The following SAMMSON variants were observed in gnomAD, a reference collection of about 807,000 sequenced individuals.
SAMMSON encodes the protein long intergenic non-protein coding RNA 1212.
chr3:70,208,409 G>T (rs1452620094), intron 4 of SAMMSON, among the ~76,000 whole-genome samples: 1 of 152,028 alleles, frequency 6.6e-6, no homozygotes, highest in Admixed American at 6.6e-5. Flanking sequence ...TTAGTTTAGG[G>T]CCAATGGAAA....
intron 6 of SAMMSON, chr3:70,249,785 G>A (rs909637014): frequency 1.3e-5 from 2 of 152,114 alleles, no homozygotes; most frequent in Non-Finnish European, 2.9e-5. Context: ...TAAGATTAGA[G>A]TTGCTAAGAT....
chr3:70,216,815 G>A (rs1232752992), intron 4 of SAMMSON, among the ~76,000 whole-genome samples: 2 of 152,118 alleles, frequency 1.3e-5, no homozygotes, highest in Non-Finnish European at 2.9e-5. Flanking sequence ...ATTTGGCAAT[G>A]TCTGGAGATA....
intron 4 of SAMMSON, among the ~76,000 whole-genome samples, chr3:70,153,002 C>T (rs975292860): frequency 2.0e-5 from 3 of 151,930 alleles, no homozygotes; most frequent in African/African-American, 7.2e-5. Flanking sequence ...TCATGCGATG[C>T]GTAAATGTAT....
chr3:70,107,875 C>A (rs1393154739), intron 4 of SAMMSON, among the ~76,000 whole-genome samples: 1 of 152,030 alleles, frequency 6.6e-6, no homozygotes, highest in Non-Finnish European at 1.5e-5. Context: ...TGAAGACATC[C>A]TGCAATGTGT....
chr3:70,259,416 TAA>T (rs202194435), intron 6 of SAMMSON, among the ~76,000 whole-genome samples: 1 of 144,208 alleles, frequency 6.9e-6, no homozygotes. Context: ...TATTGACTTT[TAA>T]AAAAAAAAAA....
At position 70,101,407 on chromosome 3, in the gene SAMMSON, A is replaced by C. The variant is rs1292135266; in HGVS notation, n.507+29842A>C. 4.6e-5 allele frequency among the ~76,000 whole-genome samples: 7 copies of C among 152,064 alleles called. No homozygotes were observed. In the South Asian group the frequency reaches 1.2e-3, roughly 27 times the overall value. ...TGGGGACATTTTTTATGAAAAAAAAACGTACAAGAATTGCATTATAAGAGG... is the reference window on the plus strand; with the variant it reads ...TGGGGACATTTTTTATGAAAAAAAACCGTACAAGAATTGCATTATAAGAGG... On this transcript the variant is annotated intron_variant and non_coding_transcript_variant, in intron 4 of 9. Coordinates refer to ENST00000642114, the Ensembl canonical transcript of SAMMSON.
At chr3:70,423,551 T>G (rs1701330106) in intron 2 of SAMMSON, among the ~76,000 whole-genome samples, 1 of 152,192 alleles carries the variant, frequency 6.6e-6, no homozygotes, top group African/African-American at 2.4e-5. Context: ...GTGATGATAA[T>G]TTAATTTCTC....
At chr3:70,104,939 A>G (rs886737819) in intron 4 of SAMMSON, among the ~76,000 whole-genome samples, 1 of 152,192 alleles carries the variant, frequency 6.6e-6, no homozygotes, top group East Asian at 1.9e-4. Flanking sequence ...AGTAGCCTCA[A>G]CTATTCTATT....
At chr3:70,158,824 A>G (rs2067602614) in intron 4 of SAMMSON, among the ~76,000 whole-genome samples, 1 of 152,052 alleles carries the variant, frequency 6.6e-6, no homozygotes, top group South Asian at 2.1e-4. Context: ...TTGCTATTCT[A>G]ATATAGGGGA....
intron 2 of SAMMSON, among the ~76,000 whole-genome samples, chr3:70,396,238 T>C (rs1701092419): frequency 6.6e-6 from 1 of 152,208 alleles, no homozygotes; most frequent in Non-Finnish European, 1.5e-5. Context: ...TGATGCAATG[T>C]TATAAATATG....
At position 70,017,583 on chromosome 3, in the gene SAMMSON, C is replaced by A. The variant is rs143243959; in HGVS notation, n.417+3911C>A. On this transcript the variant is annotated intron_variant and non_coding_transcript_variant, in intron 3 of 9. Transcript: ENST00000642114. The stretch of plus-strand genomic sequence containing the variant: ...AATTGACTACCCTTTATTTCCTTCT[C>A]CTTCCTGATTGCCCTGGCCAGAACT... Among the ~76,000 whole-genome samples, 495 of 152,270 alleles carry A rather than the reference C, an allele frequency of 3.3e-3. 6 individuals are homozygous for A. Among genetic ancestry groups the A allele is most frequent in the African/African-American group, 0.012 (478 of 41,542 alleles).
intron 7 of SAMMSON, among the ~76,000 whole-genome samples, chr3:70,308,859 C>T (rs1476305502): frequency 6.6e-6 from 1 of 152,044 alleles, no homozygotes; most frequent in African/African-American, 2.4e-5. Context: ...TCAAGCAGTG[C>T]ACTCAGTGCT....
At chr3:70,015,776 A>G (rs1013209087) in intron 3 of SAMMSON, among the ~76,000 whole-genome samples, 1 of 151,772 alleles carries the variant, frequency 6.6e-6, no homozygotes, top group South Asian at 2.1e-4. Flanking sequence ...AAGTGTTCTC[A>G]TTGTTCAATT....
chr3:70,328,334 G>GA (rs980494942), intron 7 of SAMMSON, among the ~76,000 whole-genome samples: 23 of 152,116 alleles, frequency 1.5e-4, no homozygotes, highest in Non-Finnish European at 2.9e-4. Context: ...TAATTGGGGA[G>GA]AAAATCAATC....
intron 4 of SAMMSON, among the ~76,000 whole-genome samples, chr3:70,183,037 C>A (rs762580896): frequency 6.6e-6 from 1 of 152,160 alleles, no homozygotes; most frequent in South Asian, 2.1e-4. Flanking sequence ...CATTTGGGTC[C>A]TCCTCAGGTC....
At chr3:70,344,982 G>A (rs1052917297) in intron 7 of SAMMSON, among the ~76,000 whole-genome samples, 16 of 152,136 alleles carry the variant, frequency 1.1e-4, no homozygotes, top group Admixed American at 2.6e-4. Flanking sequence ...GGATGTCATC[G>A]GTTCTAGACC....
At chr3:70,233,314 G>T (rs1342143133) in intron 4 of SAMMSON, among the ~76,000 whole-genome samples, 1 of 152,116 alleles carries the variant, frequency 6.6e-6, no homozygotes, top group Non-Finnish European at 1.5e-5. Flanking sequence ...AGATAGGAGT[G>T]CAGCAAGATG....
chr3:70,318,487 T>C (rs1339597639), intron 7 of SAMMSON, among the ~76,000 whole-genome samples: 1 of 151,982 alleles, frequency 6.6e-6, no homozygotes. Flanking sequence ...TGTGAGTGTG[T>C]GTGTGTAGTT....
At chr3:70,321,792 T>A (rs1247093350) in intron 7 of SAMMSON, among the ~76,000 whole-genome samples, 2 of 152,064 alleles carry the variant, frequency 1.3e-5, no homozygotes, top group South Asian at 4.1e-4. Context: ...AACTAAAATA[T>A]GCTAGAAAAC....
Sources: gnomAD v4.1 joint callset for allele counts (sites outside exome capture counted in the v4.1 genomes callset) on GRCh38, gnomAD v4.1.1 for gene constraint, MANE v1.5 for transcripts, NCBI Gene and HGNC (gene_info 2026-07-23, HGNC 2026-07-21) for gene names.